SLC35H1: variants seen among roughly 807,000 people sequenced by gnomAD.
The protein encoded by SLC35H1 is solute carrier family 35 member H1.
chr20:46,358,292 A>G, the SLC35H1 span: 1 of 1,165,800 alleles, frequency 8.6e-7, no homozygotes, highest in Non-Finnish European at 1.3e-6. Context: ...AGACTGGTTG[A>G]AGCTTGTGCC....
At chr20:46,346,307 T>C in the SLC35H1 span, 1 of 152,224 alleles carries the variant, frequency 6.6e-6, no homozygotes, top group African/African-American at 2.4e-5. Context: ...TGAAGGGACG[T>C]GGCTGATGTC....
the SLC35H1 span, chr20:46,354,846 C>A: frequency 6.5e-7 from 1 of 1,538,760 alleles, no homozygotes; most frequent in Non-Finnish European, 8.8e-7. Flanking sequence ...TGGTCTGCTG[C>A]ACTGAGGTGC....
the SLC35H1 span, chr20:46,358,537 G>A: frequency 3.0e-3 from 4,777 of 1,614,180 alleles, 73 homozygotes; most frequent in Non-Finnish European, 1.6e-3. Flanking sequence ...GAGCTCCTGA[G>A]TCAGCGGGGG....
chr20:46,363,281 C>T, the SLC35H1 span: 2 of 152,194 alleles, frequency 1.3e-5, no homozygotes, highest in African/African-American at 4.8e-5. Context: ...TTAAATCTTA[C>T]CCTACATAAT....
chr20:46,354,819 C>T, the SLC35H1 span: 2 of 1,420,988 alleles, frequency 1.4e-6, no homozygotes, highest in Non-Finnish European at 1.9e-6. Flanking sequence ...CTGTGTTGGG[C>T]TCAGGGCGAG....
chr20:46,349,466 G>A, the SLC35H1 span: 1 of 152,236 alleles, frequency 6.6e-6, no homozygotes, highest in Non-Finnish European at 1.5e-5. Context: ...GTGAACCTCA[G>A]CCCGGCCACT....
chr20:46,351,650 G>A, the SLC35H1 span, among the ~76,000 whole-genome samples: 4 of 152,376 alleles, frequency 2.6e-5, no homozygotes, highest in South Asian at 2.1e-4. Context: ...AGTCAATCAC[G>A]GAACTCTTTC....
chr20:46,359,385 G>A, the SLC35H1 span, among the ~76,000 whole-genome samples: 10 of 152,274 alleles, frequency 6.6e-5, no homozygotes, highest in South Asian at 8.3e-4. Context: ...GGCTACGAGC[G>A]GCACAAAGAT....
At chr20:46,355,363 C>G in the SLC35H1 span, 9 of 1,110,194 alleles carry the variant, frequency 8.1e-6, no homozygotes, top group Non-Finnish European at 1.1e-5. This position sits in a 1 kb window ranked among gnomAD's most constrained non-coding sequence, Gnocchi z 4.8. Flanking sequence ...TCCTTCCACC[C>G]TTCAGCTCCA....
chr20:46,356,963 AACACAAACTCCTCC>A, the SLC35H1 span, among the ~76,000 whole-genome samples: 122,096 of 151,960 alleles, frequency 0.8, 51,918 homozygotes, highest in Non-Finnish European at 0.93. Flanking sequence ...CTCAGGATGG[AACACAAACTCCTCC>A]ACGGGGAATC....
chr20:46,357,544 G>A, the SLC35H1 span: 2 of 1,509,144 alleles, frequency 1.3e-6, no homozygotes, highest in Non-Finnish European at 1.8e-6. Flanking sequence ...TTCCAGACAT[G>A]CGGGTGTCTC....
the SLC35H1 span, chr20:46,355,135 G>A: frequency 6.2e-7 from 1 of 1,614,126 alleles, no homozygotes; most frequent in Non-Finnish European, 8.5e-7. This position sits in a 1 kb window ranked among gnomAD's most constrained non-coding sequence, Gnocchi z 4.8. Flanking sequence ...GATGAACGAG[G>A]CCCCCAGCAC....
At chr20:46,353,648 A>G in the SLC35H1 span, among the ~76,000 whole-genome samples, 1 of 152,220 alleles carries the variant, frequency 6.6e-6, no homozygotes, top group Non-Finnish European at 1.5e-5. Flanking sequence ...GGGGAAGAGC[A>G]GCATAAGTAA....
the SLC35H1 span, chr20:46,358,433 T>C: frequency 1.2e-6 from 2 of 1,614,044 alleles, no homozygotes; most frequent in Middle Eastern, 1.6e-4. Context: ...GGAGAAGCAG[T>C]AGTAGAGAAG....
chr20:46,348,231 G>C, the SLC35H1 span: 2 of 152,334 alleles, frequency 1.3e-5, no homozygotes, highest in South Asian at 4.1e-4. Context: ...GCTAAATGAA[G>C]GGCTGTCATT....
At chr20:46,364,381 G>C in the SLC35H1 span, 1 of 152,276 alleles carries the variant, frequency 6.6e-6, no homozygotes, top group African/African-American at 2.4e-5. Flanking sequence ...CTCGGCCCTG[G>C]GAGCTCCAGG....
the SLC35H1 span, among the ~76,000 whole-genome samples, chr20:46,351,050 G>A: frequency 3.9e-5 from 6 of 152,240 alleles, no homozygotes; most frequent in East Asian, 1.9e-4. Context: ...GGACCCGGCC[G>A]GCTTGCGGCG....
At chr20:46,354,830 G>A in the SLC35H1 span, 1 of 1,469,116 alleles carries the variant, frequency 6.8e-7, no homozygotes, top group Non-Finnish European at 9.3e-7. Flanking sequence ...TCAGGGCGAG[G>A]ATCTGTGGTC....
the SLC35H1 span, chr20:46,354,840 C>A: frequency 1.3e-6 from 2 of 1,516,350 alleles, no homozygotes; most frequent in South Asian, 2.4e-5. Context: ...GATCTGTGGT[C>A]TGCTGCACTG....
Sources: gnomAD v4.1 joint callset for allele counts (sites outside exome capture counted in the v4.1 genomes callset) on GRCh38, gnomAD v4.1.1 for gene constraint, Gnocchi (gnomAD v3.1) non-coding constraint, MANE v1.5 for transcripts, NCBI Gene and HGNC (gene_info 2026-07-23, HGNC 2026-07-21) for gene names.